The following KIDINS220 variants were observed in gnomAD, a reference collection of about 807,000 sequenced individuals.
KIDINS220 encodes kinase D-interacting substrate of 220 kDa.
In KIDINS220, 63 loss-of-function variants were observed where a neutral mutation model predicts 157.6. The observed-to-expected ratio is 0.40, with a 90% CI of 0.33 to 0.49. The LOEUF (loss-of-function observed/expected upper bound fraction) is 0.49. Ranked by LOEUF, KIDINS220 falls within the 20% of genes least tolerant of loss-of-function variation. The pLI, the probability that KIDINS220 is intolerant of heterozygous loss-of-function variation, is 0.66. For missense variants in KIDINS220, 1,772 were observed against 2,171.2 expected (o/e 0.82, Z 3.65); for synonymous variants, 732 against 783.6 (o/e 0.93, Z 1.10).
At chr2:8,748,155 G>A (rs898040582) in intron 24 of KIDINS220, among the ~76,000 whole-genome samples, 155 bp from the exon 25 acceptor site, 23 of 152,096 alleles carry the variant, frequency 1.5e-4, no homozygotes, top group African/African-American at 5.6e-4. Context: ...TCCATAAGAT[G>A]CTAAACTCAA....
At chr2:8,795,870 A>C (rs767667520) in intron 11 of KIDINS220, among the ~76,000 whole-genome samples, 1 of 152,226 alleles carries the variant, frequency 6.6e-6, no homozygotes, top group Non-Finnish European at 1.5e-5. Context: ...CATTATAAGA[A>C]GTTTTCTAGA....
intron 24 of KIDINS220, among the ~76,000 whole-genome samples, chr2:8,748,522 TA>T (rs1443855181): frequency 6.6e-6 from 1 of 152,228 alleles, no homozygotes; most frequent in African/African-American, 2.4e-5. Flanking sequence ...GTTTATAACC[TA>T]AATAAGCAAG....
At chr2:8,737,085 A>T (rs1664983180) in intron 26 of KIDINS220, 86 bp from the exon 27 acceptor site, 1 of 1,292,788 alleles carries the variant, frequency 7.7e-7, no homozygotes, top group East Asian at 2.4e-5. Flanking sequence ...AAACTCATTA[A>T]GTTATACCAT....
chr2:8,726,211 C>T (rs1383384500), downstream of KIDINS220, among the ~76,000 whole-genome samples: 1 of 152,190 alleles, frequency 6.6e-6, no homozygotes, highest in Non-Finnish European at 1.5e-5. Flanking sequence ...AAATGCCACA[C>T]TGTACTGGGA....
chr2:8,789,169 G>A (rs1672826131), intron 14 of KIDINS220, among the ~76,000 whole-genome samples: 1 of 97,198 alleles, frequency 1.0e-5, no homozygotes, highest in Non-Finnish European at 2.1e-5. Flanking sequence ...CAAGAATAGG[G>A]ATTATATTAT....
chr2:8,797,685 T>A (rs962482912), intron 10 of KIDINS220, among the ~76,000 whole-genome samples: 10 of 152,346 alleles, frequency 6.6e-5, no homozygotes, highest in Middle Eastern at 3.4e-3. Flanking sequence ...ATTTTCCCCA[T>A]AGAAAATGAT....
intron 24 of KIDINS220, 76 bp from the exon 25 acceptor site, chr2:8,748,076 C>T: frequency 2.5e-6 from 2 of 791,322 alleles, no homozygotes; most frequent in South Asian, 5.6e-5. Context: ...TCAAATGAAA[C>T]CAATAAGATA....
chr2:8,827,615 C>A (rs12053486), intron 1 of KIDINS220, among the ~76,000 whole-genome samples: 60,768 of 152,004 alleles, frequency 0.4, 14,028 homozygotes, highest in East Asian at 0.59. Flanking sequence ...CCGTGACTCA[C>A]CTGCGTCACT....
chr2:8,759,600 A>C (rs1301163857), intron 22 of KIDINS220, among the ~76,000 whole-genome samples: 1 of 149,588 alleles, frequency 6.7e-6, no homozygotes, highest in South Asian at 2.2e-4. Flanking sequence ...AACAATCAAC[A>C]ACCAGGGAGG....
rs1663742259 is a variant in KIDINS220, at chr2:8,729,552, A to G, written c.*1168T>C. On this transcript the variant is annotated 3_prime_UTR_variant, in exon 30 of 30. Transcript: ENST00000256707. ...TCTTAACTCGGCTAATAATTAATGG[A>G]AAGTACACTTTTACAGTCACAGCAC... 2 of 980,582 alleles carry G rather than the reference A, an allele frequency of 2.0e-6. No homozygotes were observed. Among genetic ancestry groups the G allele is most frequent in the Non-Finnish European group, 2.4e-6 (2 of 825,508 alleles). 60.7% of individuals were successfully genotyped at this position (980,582 alleles called of 1,614,324 possible).
chr2:8,824,823 A>G (rs1678507346), intron 2 of KIDINS220, among the ~76,000 whole-genome samples: 1 of 152,254 alleles, frequency 6.6e-6, no homozygotes. Context: ...ACGTACATAC[A>G]ATGAAATATT....
intron 22 of KIDINS220, among the ~76,000 whole-genome samples, chr2:8,766,680 T>C (rs1453444942): frequency 6.6e-6 from 1 of 152,182 alleles, no homozygotes; most frequent in African/African-American, 2.4e-5. Context: ...TTAATTTCTC[T>C]CACATCTTTG....
rs1056481562 is a variant in KIDINS220, at chr2:8,813,298, C to A, written c.344G>T (p.Gly115Val). The change falls in exon 5 of 30, where the codon GGC (glycine) becomes GTC (valine). Residue 115 changes from glycine to valine, a missense_variant. Transcript: ENST00000256707. ...AAGCAACTCTACTACGTCAGTACGGCCTTTGTAACATGCCCACATAAGAGC... is the reference window on the plus strand; with the variant it reads ...AAGCAACTCTACTACGTCAGTACGGACTTTGTAACATGCCCACATAAGAGC... The part of the protein sequence containing the change: ...WTALMWACYK[G>V]RTDVVELLLS... 5 of 1,613,404 alleles carry A rather than the reference C, an allele frequency of 3.1e-6. No homozygotes were observed. Among genetic ancestry groups the A allele is most frequent in the Non-Finnish European group, 4.2e-6 (5 of 1,179,762 alleles).
At chr2:8,804,437 C>T (rs6761265) in intron 7 of KIDINS220, among the ~76,000 whole-genome samples, 151,915 of 152,310 alleles carry the variant, frequency 1, 75,764 homozygotes, top group Middle Eastern at 1. Flanking sequence ...AAAGTGATAT[C>T]AGGCTTCTTC....
In KIDINS220 at chr2:8,791,041, GT is replaced by G. The variant is rs1490688543; in HGVS notation, c.1441+18del. On this transcript the variant is annotated intron_variant, in intron 13 of 29. Transcript: ENST00000256707. The stretch of plus-strand genomic sequence containing the variant: ...ACCTTGCTTTATATATACAGACTTT[GT>G]ACAAGCAAGCCCTTTACCTTCTAGT... 6.2e-7 allele frequency: 1 copy of G among 1,602,756 alleles called. No individual in the cohort carries two copies. The highest frequency in any genetic ancestry group is 1.7e-5 in the Admixed American group (1 of 57,596).
intron 12 of KIDINS220, 110 bp downstream of exon 12, chr2:8,793,700 A>G: frequency 1.0e-6 from 1 of 1,002,920 alleles, no homozygotes; most frequent in Non-Finnish European, 1.4e-6. Flanking sequence ...CGGCCTCCTC[A>G]AGTGCTGGGA....
intron 26 of KIDINS220, among the ~76,000 whole-genome samples, chr2:8,743,017 C>T (rs891150773): frequency 4.6e-5 from 7 of 152,126 alleles, no homozygotes; most frequent in African/African-American, 1.2e-4. Context: ...GAACAACATG[C>T]CACTGAGGAG....
rs200002699 is a variant in KIDINS220 at position 8,731,485 on chromosome 2, T to C, written c.4551A>G (p.Gln1517=). 1.6e-4 allele frequency: 253 copies of C among 1,614,214 alleles called. 1 individual carries two copies. Among genetic ancestry groups the C allele is most frequent in the Middle Eastern group, 1.3e-3 (8 of 6,062 alleles). Residue 1517 remains glutamine (Q), a synonymous_variant, in exon 30 of 30, where the codon CAA becomes CAG. Coordinates refer to ENST00000256707, the MANE Select transcript of KIDINS220 (RefSeq NM_020738.4). The surrounding 1 kb of genome is among the most constrained non-coding windows in gnomAD (Gnocchi z 5.2). The part of the protein sequence containing the change: ...LKLKGSGLRY[Q]KLPSDEDESG... The stretch of plus-strand genomic sequence containing the variant: ...ATTCATCCTCGTCACTTGGGAGTTT[T>C]TGATAGCGCAGCCCACTTCCCTTAA...
intron 12 of KIDINS220, 60 bp from the exon 13 acceptor site, chr2:8,791,284 A>G: frequency 8.5e-6 from 12 of 1,415,854 alleles, no homozygotes; most frequent in Non-Finnish European, 1.2e-5. Flanking sequence ...AGAAATGAAC[A>G]CTATTTTCAT....
Sources: gnomAD v4.1 joint callset for allele counts (sites outside exome capture counted in the v4.1 genomes callset) on GRCh38, gnomAD v4.1.1 for gene constraint, Gnocchi (gnomAD v3.1) non-coding constraint, MANE v1.5 for transcripts, NCBI Gene and HGNC (gene_info 2026-07-23, HGNC 2026-07-21) for gene names.